The following PLA2G5 variants were observed in gnomAD, a reference collection of about 807,000 sequenced individuals.
PLA2G5 encodes Ca2+-dependent phospholipase A2.
A neutral mutation model predicts 15.9 loss-of-function variants in PLA2G5; 12 were observed. The ratio of observed to expected loss-of-function variants is 0.76; its 90% confidence interval spans 0.48 to 1.23. The LOEUF is 1.23. Among genes scored for constraint, PLA2G5 ranks in the 50% most tolerant of loss-of-function variants. The pLI is 0.00. For synonymous variants in PLA2G5, 71 were observed against 71.4 expected, an observed-to-expected ratio of 0.99 and a Z score of 0.03; for missense variants, 169 against 177.1, an observed-to-expected ratio of 0.95 and a Z score of 0.26.
intron 1 of PLA2G5, among the ~76,000 whole-genome samples, chr1:20,048,397 G>T (rs879535385): frequency 2.0e-5 from 3 of 152,122 alleles, no homozygotes; most frequent in Non-Finnish European, 4.4e-5. Context: ...TGGAATAGGG[G>T]TTACAAAACT....
chr1:20,075,323 C>T (rs1205096336), intron 1 of PLA2G5, among the ~76,000 whole-genome samples: 1 of 152,168 alleles, frequency 6.6e-6, no homozygotes, highest in Non-Finnish European at 1.5e-5. Context: ...CCAGTCCTTC[C>T]CACCATTCCT....
intron 1 of PLA2G5, among the ~76,000 whole-genome samples, chr1:20,059,018 A>G (rs2014572901): frequency 6.6e-6 from 1 of 151,272 alleles, no homozygotes; most frequent in Admixed American, 6.6e-5. Context: ...TGCCAGAAAG[A>G]CAAAAATTAG....
At chr1:20,030,648 A>T (rs1361243916) in intron 1 of PLA2G5, among the ~76,000 whole-genome samples, 3 of 152,118 alleles carry the variant, frequency 2.0e-5, no homozygotes, top group African/African-American at 7.2e-5. Flanking sequence ...ATGAGGCCAT[A>T]GCTCAGGCTG....
Position 20,029,720 on chromosome 1 carries a change from G to A in PLA2G5, n.276+1011G>A, listed in dbSNP as rs1482906500. ...CCCAGCACTTACGTATCAGTCCTGC[G>A]AACAGGGGATGATGTGTATAGTTAG... On this transcript the variant is annotated intron_variant and non_coding_transcript_variant, in intron 1 of 6. Coordinates refer to the PLA2G5 transcript ENST00000460175. Among the ~76,000 whole-genome samples the A allele has an allele frequency of 2.0e-5, 3 of 152,292 alleles. No individual in the cohort carries two copies. The East Asian group carries it at 5.8e-4, about 29-fold the overall frequency.
upstream of PLA2G5, chr1:20,066,040 A>G (rs555221306): frequency 1.3e-5 from 2 of 152,340 alleles, no homozygotes; most frequent in East Asian, 3.9e-4. Flanking sequence ...TGCCATTTTG[A>G]ATTTCCACTG....
upstream of PLA2G5, among the ~76,000 whole-genome samples, chr1:20,069,852 A>C (rs1233550204): frequency 1.3e-5 from 2 of 152,092 alleles, no homozygotes; most frequent in East Asian, 3.9e-4. Context: ...TTGGGACAAT[A>C]GGGGAAATTT....
At chr1:20,072,073 G>A (rs1417686004) in intron 1 of PLA2G5, among the ~76,000 whole-genome samples, 4 of 138,842 alleles carry the variant, frequency 2.9e-5, no homozygotes, top group African/African-American at 5.3e-5. Context: ...GCACCGCTGC[G>A]CTCCAGCCTG....
At chr1:20,038,166 T>C (rs2013376837) in intron 1 of PLA2G5, among the ~76,000 whole-genome samples, 1 of 152,102 alleles carries the variant, frequency 6.6e-6, no homozygotes, top group African/African-American at 2.4e-5. Flanking sequence ...TGCCCCAGGT[T>C]ACAAGCCTCC....
intron 1 of PLA2G5, among the ~76,000 whole-genome samples, chr1:20,034,189 G>A (rs2013120710): frequency 6.6e-6 from 1 of 152,132 alleles, no homozygotes; most frequent in Non-Finnish European, 1.5e-5. Flanking sequence ...TGTATTGGAG[G>A]AGGGTGTTAG....
Position 20,070,253 on chromosome 1 carries a change from C to T in PLA2G5, c.-223C>T, listed in dbSNP as rs1569766287. On this transcript the variant is annotated 5_prime_UTR_variant, in exon 1 of 5. Coordinates refer to ENST00000375108, the MANE Select transcript of PLA2G5 (RefSeq NM_000929.3). Reference sequence around the variant, plus strand: ...TCCAGGCAGAAGTTTTTCCTCCCCACCTCCGGGTTTGTCCTCATCATCGGT... The same window carrying T: ...TCCAGGCAGAAGTTTTTCCTCCCCATCTCCGGGTTTGTCCTCATCATCGGT... 1.0e-6 allele frequency: 1 copy of T among 985,606 alleles called. No individual in the cohort carries two copies. The highest frequency in any genetic ancestry group is 1.2e-6 in the Non-Finnish European group (1 of 830,052). 61.1% of individuals were successfully genotyped at this position (985,606 alleles called of 1,614,324 possible).
intron 2 of PLA2G5, among the ~76,000 whole-genome samples, chr1:20,085,298 G>T (rs192049943): frequency 6.6e-6 from 1 of 152,108 alleles, no homozygotes; most frequent in African/African-American, 2.4e-5. Flanking sequence ...GTCCAGCTGG[G>T]AAGTGACTGT....
intron 1 of PLA2G5, among the ~76,000 whole-genome samples, chr1:20,051,514 A>T (rs540778635): frequency 1.2e-4 from 18 of 152,340 alleles, no homozygotes; most frequent in African/African-American, 4.1e-4. Flanking sequence ...ACAATTTAGT[A>T]TACTCCTATG....
chr1:20,028,944 CGACAGT>C (rs2012721186), intron 1 of PLA2G5, among the ~76,000 whole-genome samples: 1 of 152,188 alleles, frequency 6.6e-6, no homozygotes, highest in Non-Finnish European at 1.5e-5. Context: ...TCTGACCCCA[CGACAGT>C]GTCTAGGGAT....
At chr1:20,086,039 C>T in intron 2 of PLA2G5, 44 bp from the exon 3 acceptor site, 1 of 1,609,832 alleles carries the variant, frequency 6.2e-7, no homozygotes, top group East Asian at 2.2e-5. Flanking sequence ...TAAAGCAGGG[C>T]TGGGCTGCCT....
At chr1:20,029,331 G>C (rs1342139) in intron 1 of PLA2G5, among the ~76,000 whole-genome samples, 41,255 of 147,082 alleles carry the variant, frequency 0.28, 5,950 homozygotes, top group East Asian at 0.47. Context: ...CCAGCCACCC[G>C]TGTGTTCCTC....
In PLA2G5 at chr1:20,056,777, T is replaced by C. The variant is rs548140009; in HGVS notation, n.277-2855T>C. On this transcript the variant is annotated intron_variant and non_coding_transcript_variant, in intron 1 of 6. Coordinates refer to the PLA2G5 transcript ENST00000460175. The stretch of plus-strand genomic sequence containing the variant: ...TTCTGCTTCTACCTTCTGGAAGAGA[T>C]TGTACAGAATTAATATGATTTTTTC... 4.6e-5 allele frequency among the ~76,000 whole-genome samples: 7 copies of C among 152,280 alleles called. No homozygotes were observed. In the South Asian group the frequency reaches 1.2e-3, roughly 27 times the overall value.
At chr1:20,037,087 G>C (rs1292465704) in intron 1 of PLA2G5, among the ~76,000 whole-genome samples, 1 of 152,152 alleles carries the variant, frequency 6.6e-6, no homozygotes, top group Admixed American at 6.5e-5. Context: ...TGGATTTATT[G>C]GTGGTGAGCT....
chr1:20,074,114 A>G (rs2015537003), intron 1 of PLA2G5, among the ~76,000 whole-genome samples: 1 of 152,130 alleles, frequency 6.6e-6, no homozygotes, highest in Non-Finnish European at 1.5e-5. Flanking sequence ...TTAAGGCGAG[A>G]CCTGGAGGAT....
At chr1:20,037,767 T>TA (rs1187911556) in intron 1 of PLA2G5, among the ~76,000 whole-genome samples, 1 of 152,072 alleles carries the variant, frequency 6.6e-6, no homozygotes, top group Non-Finnish European at 1.5e-5. Context: ...GTTGCCTAAG[T>TA]AAGTATTCAG....
Sources: allele counts gnomAD v4.1 joint callset (sites outside exome capture counted in the v4.1 genomes callset), GRCh38; gene constraint gnomAD v4.1.1; transcripts MANE v1.5; gene names NCBI Gene and HGNC (gene_info 2026-07-23, HGNC 2026-07-21).